Variants in LRMDA observed in about 807,000 individuals in gnomAD.
The protein encoded by LRMDA is leucine rich melanocyte differentiation associated.
LRMDA carries 18 observed loss-of-function variants against 29.8 expected under a neutral mutation model. The ratio of observed to expected loss-of-function variants is 0.60; its 90% CI spans 0.42 to 0.90. The LOEUF (loss-of-function observed/expected upper bound fraction) is 0.90. Among genes scored for constraint, LRMDA ranks in the 40% least tolerant of loss-of-function variants. The pLI, the probability that LRMDA is intolerant of heterozygous loss-of-function variation, is 0.00. For missense variants in LRMDA, 273 were observed against 273.9 expected (o/e 1.00, Z 0.02); for synonymous variants, 125 against 109.4 (o/e 1.14, Z -0.89).
intron 6 of LRMDA, among the ~76,000 whole-genome samples, chr10:76,540,724 C>G (rs1843344566): frequency 6.6e-6 from 1 of 152,152 alleles, no homozygotes; most frequent in African/African-American, 2.4e-5. Context: ...CCAAAGAGTA[C>G]ATCCTGGGTT....
chr10:76,504,647 T>G (rs1313465342), intron 6 of LRMDA, among the ~76,000 whole-genome samples: 3 of 152,092 alleles, frequency 2.0e-5, no homozygotes, highest in African/African-American at 7.2e-5. Context: ...TCTTTTTTCC[T>G]TCCTGTTTGC....
chr10:76,427,349 T>C (rs970412703), intron 6 of LRMDA, among the ~76,000 whole-genome samples: 1 of 152,102 alleles, frequency 6.6e-6, no homozygotes, highest in African/African-American at 2.4e-5. Flanking sequence ...CTAGGTATTT[T>C]ATTCTCTTTG....
At chr10:75,722,386 T>G (rs1293558598) in intron 2 of LRMDA, among the ~76,000 whole-genome samples, 2 of 152,194 alleles carry the variant, frequency 1.3e-5, no homozygotes, top group East Asian at 3.8e-4. Context: ...TAGGACAGAT[T>G]GTAAATCAAT....
chr10:76,059,538 C>T lies in LRMDA; in HGVS notation c.516+755C>T, dbSNP rs142371489. 7.9e-4 allele frequency among the ~76,000 whole-genome samples: 120 copies of T among 152,252 alleles called. No individual in the cohort carries two copies. In the East Asian group the frequency reaches 0.014, roughly 17 times the overall value. ...AGGCTGGGGAATGGACTCGGTGACC[C>T]CTGATGATCTCCTTGGAGAACCATC... On this transcript the variant is annotated intron_variant, in intron 5 of 6. Coordinates refer to ENST00000611255, the MANE Select transcript of LRMDA (RefSeq NM_001305581.2).
At chr10:76,349,135 A>G (rs776406480) in intron 6 of LRMDA, among the ~76,000 whole-genome samples, 29 of 152,166 alleles carry the variant, frequency 1.9e-4, no homozygotes, top group Non-Finnish European at 3.5e-4. Context: ...ATTTGAAGAG[A>G]ATGTTGAATA....
chr10:75,588,532 C>A (rs184133322), intron 2 of LRMDA, among the ~76,000 whole-genome samples: 78 of 152,258 alleles, frequency 5.1e-4, no homozygotes, highest in African/African-American at 1.8e-3. Flanking sequence ...CCTTCTCTTC[C>A]CTATTTTGGG....
chr10:75,563,993 C>T (rs538420248), intron 2 of LRMDA, among the ~76,000 whole-genome samples: 2 of 152,324 alleles, frequency 1.3e-5, no homozygotes, highest in African/African-American at 4.8e-5. Flanking sequence ...CAGGGACCCA[C>T]TTGAGGAGGT....
chr10:76,315,621 A>G (rs1840684490), intron 5 of LRMDA, among the ~76,000 whole-genome samples: 1 of 151,070 alleles, frequency 6.6e-6, no homozygotes, highest in Non-Finnish European at 1.5e-5. Flanking sequence ...GCAGCAGCCC[A>G]GGGGGTGCTG....
chr10:75,755,626 G>A (rs1270009388), intron 2 of LRMDA, among the ~76,000 whole-genome samples: 3 of 152,210 alleles, frequency 2.0e-5, no homozygotes, highest in African/African-American at 7.2e-5. Flanking sequence ...GCTGAGATCT[G>A]AGTGACAAGA....
chr10:75,799,592 G>C (rs1358660851), intron 2 of LRMDA, among the ~76,000 whole-genome samples: 3 of 150,998 alleles, frequency 2.0e-5, no homozygotes, highest in Non-Finnish European at 2.9e-5. Flanking sequence ...TCGGCTCACT[G>C]CAACCTCCGC....
intron 5 of LRMDA, among the ~76,000 whole-genome samples, chr10:76,272,476 T>TTTTTGG (rs1840080169): frequency 2.6e-5 from 4 of 152,162 alleles, no homozygotes; most frequent in African/African-American, 9.7e-5. Context: ...GCTTCTGACA[T>TTTTTGG]CACAAAGGTT....
At chr10:76,261,310 G>C (rs577465575) in intron 5 of LRMDA, among the ~76,000 whole-genome samples, 1 of 151,716 alleles carries the variant, frequency 6.6e-6, no homozygotes, top group Admixed American at 6.6e-5. Flanking sequence ...CTGACCTCGT[G>C]ATCTGCCTGC....
intron 5 of LRMDA, among the ~76,000 whole-genome samples, chr10:76,169,654 A>T (rs1400573159): frequency 2.6e-5 from 4 of 152,310 alleles, no homozygotes; most frequent in Non-Finnish European, 1.5e-5. Context: ...GTGGAGGCCT[A>T]ATGACAGTCA....
At chr10:75,922,456 G>T (rs951513204) in intron 2 of LRMDA, among the ~76,000 whole-genome samples, 5 of 152,166 alleles carry the variant, frequency 3.3e-5, no homozygotes, top group African/African-American at 9.7e-5. Flanking sequence ...GAGCCCTCTT[G>T]TCTACTTGCT....
chr10:76,038,343 A>C (rs76323538), intron 3 of LRMDA, among the ~76,000 whole-genome samples: 2,172 of 152,306 alleles, frequency 0.014, 41 homozygotes, highest in East Asian at 0.083. Flanking sequence ...TCTTTGGTTG[A>C]GTCCTTTCCC....
chr10:76,043,071 G>A (rs576188745), intron 3 of LRMDA, among the ~76,000 whole-genome samples: 2 of 152,140 alleles, frequency 1.3e-5, no homozygotes, highest in South Asian at 4.2e-4. Context: ...GCAGTGAGCC[G>A]AGATCACGCC....
At chr10:76,074,404 T>C (rs1305952027) in intron 5 of LRMDA, among the ~76,000 whole-genome samples, 1 of 152,202 alleles carries the variant, frequency 6.6e-6, no homozygotes, top group Non-Finnish European at 1.5e-5. Context: ...TTGTGCAGCA[T>C]TATTCACAGC....
At chr10:76,343,291 CTTTATAGAAACACTGATAAGGAT>C (rs1841063790) in intron 6 of LRMDA, among the ~76,000 whole-genome samples, 1 of 152,080 alleles carries the variant, frequency 6.6e-6, no homozygotes, top group African/African-American at 2.4e-5. Flanking sequence ...CTGATAAGGG[CTTTATAGAAACACTGATAAGGAT>C]TACAGAGAAA....
chr10:75,747,923 T>C (rs556762548), intron 2 of LRMDA, among the ~76,000 whole-genome samples: 1 of 152,256 alleles, frequency 6.6e-6, no homozygotes, highest in South Asian at 2.1e-4. Flanking sequence ...GAAAGTCAAA[T>C]AGTATTGTTT....
Sources: allele counts gnomAD v4.1 joint callset (sites outside exome capture counted in the v4.1 genomes callset), GRCh38; gene constraint gnomAD v4.1.1; transcripts MANE v1.5; gene names NCBI Gene and HGNC (gene_info 2026-07-23, HGNC 2026-07-21).